Variants in MAF observed in about 807,000 individuals in gnomAD.
MAF encodes transcription factor Maf.
MAF carries 10 observed loss-of-function variants against 22.0 expected under a neutral mutation model. The observed-to-expected ratio is 0.45, with a 90% CI of 0.28 to 0.77. MAF has a LOEUF of 0.77. Ranked by LOEUF, MAF falls within the 30% of genes least tolerant of loss-of-function variation. The pLI is 0.12. For missense variants in MAF, 544 were observed against 548.4 expected, an observed-to-expected ratio of 0.99 and a Z score of 0.08; for synonymous variants, 337 against 255.8, an observed-to-expected ratio of 1.32 and a Z score of -3.03.
chr16:79,340,450 T>C, the MAF span, among the ~76,000 whole-genome samples: 1 of 150,868 alleles, frequency 6.6e-6, no homozygotes, highest in Non-Finnish European at 1.5e-5. Context: ...TGCCTGGCAC[T>C]GGGAATATAG....
At chr16:79,565,134 G>A in the MAF span, among the ~76,000 whole-genome samples, 9 of 152,084 alleles carry the variant, frequency 5.9e-5, no homozygotes, top group Non-Finnish European at 1.2e-4. Context: ...ACCATTCAGA[G>A]CCAAATTTTC....
the MAF span, among the ~76,000 whole-genome samples, chr16:79,258,795 G>A: frequency 1.3e-5 from 2 of 152,116 alleles, no homozygotes; most frequent in African/African-American, 2.4e-5. Context: ...CAAGTATAGT[G>A]CTAGTGAAGC....
chr16:79,501,288 C>T, the MAF span, among the ~76,000 whole-genome samples: 19 of 152,142 alleles, frequency 1.2e-4, no homozygotes, highest in African/African-American at 4.6e-4. Flanking sequence ...TGTGTTTGCT[C>T]CTCTTCTTAT....
chr16:79,240,315 C>T, the MAF span, among the ~76,000 whole-genome samples: 449 of 151,098 alleles, frequency 3.0e-3, 11 homozygotes, highest in Admixed American at 0.023. Flanking sequence ...TGCCCGATTG[C>T]CCTTTCTTCT....
At chr16:79,233,741 C>T in the MAF span, among the ~76,000 whole-genome samples, 1 of 151,912 alleles carries the variant, frequency 6.6e-6, no homozygotes, top group Non-Finnish European at 1.5e-5. Flanking sequence ...TGCCTGTAAT[C>T]CCAGTATTTT....
chr16:79,542,012 T>C, the MAF span, among the ~76,000 whole-genome samples: 1 of 152,116 alleles, frequency 6.6e-6, no homozygotes. Flanking sequence ...TTTGCTCAGT[T>C]TCCTCAAGGC....
chr16:79,353,251 C>A, the MAF span, among the ~76,000 whole-genome samples: 366 of 152,128 alleles, frequency 2.4e-3, no homozygotes, highest in Non-Finnish European at 4.5e-3. Context: ...CCTCCTGCCT[C>A]CCAAGTAGCT....
At chr16:79,208,216 C>T in the MAF span, among the ~76,000 whole-genome samples, 1 of 152,162 alleles carries the variant, frequency 6.6e-6, no homozygotes, top group Non-Finnish European at 1.5e-5. Flanking sequence ...TCGGAAATGG[C>T]ATTCGGGCAT....
chr16:79,257,848 A>T, the MAF span, among the ~76,000 whole-genome samples: 1 of 152,156 alleles, frequency 6.6e-6, no homozygotes, highest in African/African-American at 2.4e-5. Flanking sequence ...TACTTATACT[A>T]TTGATGCTAT....
At chr16:79,365,798 G>A in the MAF span, among the ~76,000 whole-genome samples, 2 of 152,148 alleles carry the variant, frequency 1.3e-5, no homozygotes, top group African/African-American at 2.4e-5. Flanking sequence ...AATTGTTGAC[G>A]AGGTGCCATG....
At chr16:79,576,352 G>A in the MAF span, among the ~76,000 whole-genome samples, 3 of 151,642 alleles carry the variant, frequency 2.0e-5, no homozygotes, top group African/African-American at 7.3e-5. Flanking sequence ...CCATGTTCTT[G>A]GAAGTTTGAA....
chr16:79,212,573 A>G, the MAF span: 1 of 164,024 alleles, frequency 6.1e-6, no homozygotes, highest in African/African-American at 2.4e-5. Flanking sequence ...TTTGTCTGTC[A>G]ATCACAGTCT....
chr16:79,600,060 G>A lies in MAF; in HGVS notation c.-158C>T. ...TGGCTGGCCCGAAACCTCCGAGCGC[G>A]CTCACACACACACCCCCCCGCCCTG... On this transcript the variant is annotated 5_prime_UTR_variant, in exon 1 of 2. Coordinates refer to ENST00000326043, the MANE Select transcript of MAF (RefSeq NM_005360.5). 1 of 948,432 alleles carries A rather than the reference G, an allele frequency of 1.1e-6. No individual in the cohort carries two copies. Among genetic ancestry groups the A allele is most frequent in the South Asian group, 1.6e-5 (1 of 60,934 alleles). 58.8% of individuals were successfully genotyped at this position (948,432 alleles called of 1,614,324 possible).
chr16:79,519,022 G>A, the MAF span, among the ~76,000 whole-genome samples: 1 of 152,172 alleles, frequency 6.6e-6, no homozygotes, highest in Non-Finnish European at 1.5e-5. Flanking sequence ...AGGAATGGAA[G>A]AGCCATGCAT....
At chr16:79,275,204 A>C in the MAF span, among the ~76,000 whole-genome samples, 1 of 152,124 alleles carries the variant, frequency 6.6e-6, no homozygotes, top group Non-Finnish European at 1.5e-5. Flanking sequence ...AAAAATACCC[A>C]AATTAGCTGG....
chr16:79,592,086 C>T (rs57186408), downstream of MAF, among the ~76,000 whole-genome samples: 8,274 of 152,296 alleles, frequency 0.054, 273 homozygotes, highest in South Asian at 0.11. Context: ...CTGGGCCTCC[C>T]GCTTTTAAAG....
At chr16:79,435,689 A>G in the MAF span, among the ~76,000 whole-genome samples, 155 of 152,026 alleles carry the variant, frequency 1.0e-3, no homozygotes, top group South Asian at 9.8e-3. Flanking sequence ...TTCATCTTTC[A>G]AGTCCCTACA....
At chr16:79,269,805 G>A in the MAF span, among the ~76,000 whole-genome samples, 1 of 152,122 alleles carries the variant, frequency 6.6e-6, no homozygotes, top group African/African-American at 2.4e-5. Flanking sequence ...GGAATGTAAT[G>A]AACTCCAACC....
the MAF span, among the ~76,000 whole-genome samples, chr16:79,265,445 A>G: frequency 0.35 from 52,830 of 151,900 alleles, 9,695 homozygotes; most frequent in African/African-American, 0.45. Context: ...GACTCTAAGG[A>G]AGAAATAAGT....
Sources: gnomAD v4.1 joint callset for allele counts (sites outside exome capture counted in the v4.1 genomes callset) on GRCh38, gnomAD v4.1.1 for gene constraint, MANE v1.5 for transcripts, NCBI Gene and HGNC (gene_info 2026-07-23, HGNC 2026-07-21) for gene names.